The following ANKS1A variants were observed in gnomAD, a reference collection of about 807,000 sequenced individuals.
ANKS1A encodes the protein ankyrin repeat and SAM domain-containing protein 1A.
A neutral mutation model predicts 120.3 loss-of-function variants in ANKS1A; 55 were observed. The observed-to-expected ratio is 0.46, with a 90% CI of 0.37 to 0.57. The LOEUF is 0.57. Ranked by LOEUF, ANKS1A falls within the 20% of genes least tolerant of loss-of-function variation. ANKS1A has a pLI of 0.00. For synonymous variants in ANKS1A, 590 were observed against 604.7 expected, an observed-to-expected ratio of 0.98 and a Z score of 0.36; for missense variants, 1,123 against 1,480.3, an observed-to-expected ratio of 0.76 and a Z score of 3.96.
intron 1 of ANKS1A, among the ~76,000 whole-genome samples, chr6:34,946,233 G>A (rs1242427478): frequency 6.6e-6 from 1 of 151,636 alleles, no homozygotes. Context: ...CACCTGCCTT[G>A]GACTCCCAAA....
At chr6:34,922,694 C>CTTTTT (rs61568974) in intron 1 of ANKS1A, among the ~76,000 whole-genome samples, 5 of 127,834 alleles carry the variant, frequency 3.9e-5, no homozygotes, top group East Asian at 2.3e-4. Flanking sequence ...CTGGGCATTT[C>CTTTTT]TTTTTTTTTT....
intron 1 of ANKS1A, among the ~76,000 whole-genome samples, chr6:34,902,158 G>C (rs1581666864): frequency 6.6e-6 from 1 of 152,286 alleles, no homozygotes; most frequent in East Asian, 1.9e-4. Flanking sequence ...GCCATCTTTA[G>C]CAGACCCAGA....
intron 3 of ANKS1A, among the ~76,000 whole-genome samples, chr6:34,979,313 C>T (rs1029586132): frequency 2.0e-5 from 3 of 152,168 alleles, no homozygotes; most frequent in South Asian, 2.1e-4. Context: ...AAGAGCTTAT[C>T]GTGATGGCTT....
rs372950390 is a variant in ANKS1A, at chr6:35,054,178, G to A, written c.2077+13G>A. 4.2e-5 allele frequency: 67 copies of A among 1,613,332 alleles called. No individual in the cohort carries two copies. Among genetic ancestry groups the A allele is most frequent in the Non-Finnish European group, 5.4e-5 (64 of 1,179,460 alleles). On this transcript the variant is annotated intron_variant, in intron 12 of 23. Coordinates refer to ENST00000360359, the MANE Select transcript of ANKS1A (RefSeq NM_015245.3). The stretch of plus-strand genomic sequence containing the variant: ...CAGAAGATCTCAGGTACCGTACTAA[G>A]TGGCCATTTTCCCCACAGAAACTGG...
intron 12 of ANKS1A, among the ~76,000 whole-genome samples, chr6:35,059,826 T>G (rs1776397460): frequency 6.6e-6 from 1 of 152,116 alleles, no homozygotes; most frequent in South Asian, 2.1e-4. Flanking sequence ...CTGTTGGGAT[T>G]TGGCTTCCCC....
downstream of ANKS1A, among the ~76,000 whole-genome samples, chr6:35,092,680 C>G (rs879641746): frequency 6.6e-6 from 1 of 152,220 alleles, no homozygotes; most frequent in Non-Finnish European, 1.5e-5. Flanking sequence ...CATCAGGGCA[C>G]CAGGACACAT....
chr6:35,059,360 C>T (rs1167822128), intron 12 of ANKS1A, among the ~76,000 whole-genome samples: 1 of 152,264 alleles, frequency 6.6e-6, no homozygotes. Context: ...TGAGCCTGAC[C>T]CCCGAGCCCC....
chr6:35,042,459 G>C (rs533916852), intron 11 of ANKS1A, among the ~76,000 whole-genome samples: 1 of 152,304 alleles, frequency 6.6e-6, no homozygotes, highest in African/African-American at 2.4e-5. Flanking sequence ...TTTTTCCACT[G>C]GGTGTTGACT....
At chr6:34,909,262 C>G (rs1237755227) in intron 1 of ANKS1A, among the ~76,000 whole-genome samples, 4 of 152,204 alleles carry the variant, frequency 2.6e-5, no homozygotes, top group Admixed American at 2.6e-4. Flanking sequence ...TAAATAAATT[C>G]TCCCGTAAAA....
At position 35,060,594 on chromosome 6, in the gene ANKS1A, G is replaced by A. The variant is rs1776447753; in HGVS notation, c.2184+341G>A. On this transcript the variant is annotated intron_variant, in intron 13 of 23. Coordinates refer to ENST00000360359, the MANE Select transcript of ANKS1A (RefSeq NM_015245.3). This position sits in a 1 kb window ranked among gnomAD's most constrained non-coding sequence, Gnocchi z 4.5. ...GAGTTTTATTTATTTCTCAAAACTT[G>A]GTGTCAAGTGAGTTGTCACTGAAGC... is the stretch of plus-strand genomic sequence containing the variant. Among the ~76,000 whole-genome samples, 1 of 152,082 alleles carries A rather than the reference G, an allele frequency of 6.6e-6. No homozygotes were observed. Among genetic ancestry groups the A allele is most frequent in the African/African-American group, 2.4e-5 (1 of 41,400 alleles).
intron 9 of ANKS1A, among the ~76,000 whole-genome samples, chr6:34,992,511 G>C (rs1020998658): frequency 4.6e-5 from 7 of 152,152 alleles, no homozygotes; most frequent in Admixed American, 4.6e-4. Flanking sequence ...TCCTGTGTGC[G>C]GAACACTCAC....
chr6:35,044,474 C>T lies in ANKS1A; in HGVS notation c.2011-9625C>T, dbSNP rs1003918705. Among the ~76,000 whole-genome samples, 1 of 152,222 alleles carries T rather than the reference C, an allele frequency of 6.6e-6. No homozygotes were observed. The highest frequency in any genetic ancestry group is 2.4e-5 in the African/African-American group (1 of 41,472). ...TCTGTCTGAGGTGAGGGAGTAGAGGCAGGCCCACAGCCTGCATGAGAAGGA... is the reference window on the plus strand; with the variant it reads ...TCTGTCTGAGGTGAGGGAGTAGAGGTAGGCCCACAGCCTGCATGAGAAGGA... On this transcript the variant is annotated intron_variant, in intron 11 of 23. Transcript: ENST00000360359. This position sits in a 1 kb window ranked among gnomAD's most constrained non-coding sequence, Gnocchi z 4.4.
Position 35,060,336 on chromosome 6 carries a change from A to C in ANKS1A, c.2184+83A>C. ...CTGGCCTCCCCTCTGGCCCCACAGG[A>C]GTCTGCAACAGTACGTAGACCCAAA... is the stretch of plus-strand genomic sequence containing the variant. On this transcript the variant is annotated intron_variant, in intron 13 of 23. Coordinates refer to ENST00000360359, the MANE Select transcript of ANKS1A (RefSeq NM_015245.3). This position sits in a 1 kb window ranked among gnomAD's most constrained non-coding sequence, Gnocchi z 4.5. The C allele has an allele frequency of 2.5e-6, 3 of 1,208,336 alleles. No homozygotes were observed. Among genetic ancestry groups the C allele is most frequent in the Non-Finnish European group, 2.4e-6 (2 of 840,360 alleles). The allele number at this position is 1,208,336 out of a possible 1,614,324, so 74.9% of individuals were successfully genotyped here.
chr6:34,946,600 AG>A lies in ANKS1A; in HGVS notation c.198-20632del, dbSNP rs780786435. On this transcript the variant is annotated intron_variant, in intron 1 of 23. Transcript: ENST00000360359. ...AAAACTCTGTCTTGAAAAAAAAAAAAGGGGGGGTTAATCTGGCTAGATGTTT... is the reference window on the plus strand; with the variant it reads ...AAAACTCTGTCTTGAAAAAAAAAAAAGGGGGGTTAATCTGGCTAGATGTTT... 1.2e-3 allele frequency among the ~76,000 whole-genome samples: 169 copies of A among 144,734 alleles called. 2 individuals are homozygous for A. The highest frequency in any genetic ancestry group is 3.8e-3 in the South Asian group (17 of 4,476). 95.0% of individuals were successfully genotyped at this position (144,734 alleles called of 152,430 possible). A position where few individuals can be genotyped will look rare whatever the true frequency, so the allele number is the denominator to read the frequency against.
chr6:34,891,757 T>C (rs1364403783), intron 1 of ANKS1A, among the ~76,000 whole-genome samples: 2 of 152,222 alleles, frequency 1.3e-5, no homozygotes, highest in African/African-American at 4.8e-5. Context: ...GCCTCCCAAG[T>C]AGCTGGGACT....
Position 35,088,586 on chromosome 6 carries a change from C to G in ANKS1A, c.3402-20C>G, listed in dbSNP as rs777482864. The G allele has an allele frequency of 6.8e-6, 11 of 1,614,062 alleles. No individual in the cohort carries two copies. Among genetic ancestry groups the G allele is most frequent in the Non-Finnish European group, 9.3e-6 (11 of 1,180,018 alleles). On this transcript the variant is annotated intron_variant, in intron 23 of 23. Transcript: ENST00000360359. ...CCATTGGTTAACCCTTTCCTCCCCC[C>G]ATTGTTTGCTTCTGCCAAGCTGAGC...
intron 11 of ANKS1A, among the ~76,000 whole-genome samples, chr6:35,047,464 G>T (rs1437260097): frequency 1.3e-5 from 2 of 152,178 alleles, no homozygotes; most frequent in Non-Finnish European, 2.9e-5. Flanking sequence ...AGGCTGGTGG[G>T]GGTGCCCGAA....
intron 11 of ANKS1A, among the ~76,000 whole-genome samples, chr6:35,045,681 A>G (rs940880041): frequency 6.6e-6 from 1 of 152,184 alleles, no homozygotes; most frequent in Non-Finnish European, 1.5e-5. Flanking sequence ...TAGTGCTGTG[A>G]TCCACGGACG....
chr6:35,005,873 C>G, intron 10 of ANKS1A: 1 of 370,472 alleles, frequency 2.7e-6, no homozygotes, highest in South Asian at 2.0e-5. Flanking sequence ...GCCAACATGG[C>G]GAAACCCCAC....
Sources: gnomAD v4.1 joint callset for allele counts (sites outside exome capture counted in the v4.1 genomes callset) on GRCh38, gnomAD v4.1.1 for gene constraint, Gnocchi (gnomAD v3.1) non-coding constraint, MANE v1.5 for transcripts, NCBI Gene and HGNC (gene_info 2026-07-23, HGNC 2026-07-21) for gene names.